The following COL16A1 variants were observed in gnomAD, a reference collection of about 807,000 sequenced individuals.
The protein encoded by COL16A1 is collagen alpha-1(XVI) chain.
A neutral mutation model predicts 266.3 loss-of-function variants in COL16A1; 189 were observed. The ratio of observed to expected loss-of-function variants is 0.71; its 90% CI spans 0.63 to 0.80. The LOEUF (loss-of-function observed/expected upper bound fraction) is 0.80. Ranked by LOEUF, COL16A1 falls within the 30% of genes least tolerant of loss-of-function variation. COL16A1 has a pLI of 0.00. For synonymous variants in COL16A1, 740 were observed against 782.3 expected (o/e 0.95, Z 0.90); for missense variants, 1,928 against 2,122.4 (o/e 0.91, Z 1.80).
chr1:31,689,651 G>C (rs1200409631), intron 23 of COL16A1, 90 bp downstream of exon 23: 5 of 1,014,206 alleles, frequency 4.9e-6, no homozygotes, highest in African/African-American at 1.6e-5. Flanking sequence ...GAAGTACCCA[G>C]CCCCTCTGCC....
At chr1:31,661,851 G>A (rs543756465) in intron 58 of COL16A1, 147 bp from the exon 59 acceptor site, 5 of 854,226 alleles carry the variant, frequency 5.9e-6, no homozygotes, top group South Asian at 3.7e-5. Context: ...CTGACTGGCT[G>A]TGGATCCTCA....
chr1:31,693,271 C>T lies in COL16A1; in HGVS notation c.1009-117G>A, dbSNP rs759123522. 19 of 702,402 alleles carry T rather than the reference C, an allele frequency of 2.7e-5. No homozygotes were observed. In the African/African-American group the frequency reaches 3.0e-4, roughly 11 times the overall value. 43.5% of individuals were successfully genotyped at this position (702,402 alleles called of 1,614,324 possible). A position where few individuals can be genotyped will look rare whatever the true frequency, so the allele number is the denominator to read the frequency against. On this transcript the variant is annotated intron_variant, in intron 12 of 70. Coordinates refer to ENST00000373672, the MANE Select transcript of COL16A1 (RefSeq NM_001856.4). ...CCCCCCACACACGGGTACGCAAATACGCACACATGTGAGCAGTGTCCTGCC... is the reference window on the plus strand; with the variant it reads ...CCCCCCACACACGGGTACGCAAATATGCACACATGTGAGCAGTGTCCTGCC...
chr1:31,682,529 C>T (rs193231218), intron 37 of COL16A1, among the ~76,000 whole-genome samples: 6 of 152,274 alleles, frequency 3.9e-5, no homozygotes, highest in Admixed American at 2.0e-4. Flanking sequence ...TGGGCAGCAC[C>T]GGTTCACATG....
Position 31,702,129 on chromosome 1 carries a change from G to A in COL16A1, c.65C>T (p.Ala22Val). 4 of 1,614,136 alleles carry A rather than the reference G, an allele frequency of 2.5e-6. No homozygotes were observed. The South Asian group carries it at 3.3e-5, about 13-fold the overall frequency. ...LGLWATFGHG[A>V]NTGAQCPPSQ... ...CTCCTGTGTCATCTCACCTGTATTT[G>A]CCCCATGGCCGAAGGTAGCCCAAAG... The change falls in exon 2 of 71, where the codon GCA becomes GTA. Residue 22 changes from alanine (A) to valine (V), a missense_variant. By Grantham distance (64) the Ala-to-Val change is moderately conservative (BLOSUM62 0). This residue lies in a region of COL16A1 where 1,552 missense variants were observed against 1,637.2 expected (regional missense o/e 0.95). Transcript: ENST00000373672.
rs1472798880 is a variant in COL16A1, at chr1:31,701,363, C to T, written c.73+758G>A. On this transcript the variant is annotated intron_variant, in intron 2 of 70. Transcript: ENST00000373672. Reference sequence around the variant, plus strand: ...AAGCAGAAACACATATGTGCACATACAAGGGGCAGGCGGCCACACTCACCC... The same window carrying T: ...AAGCAGAAACACATATGTGCACATATAAGGGGCAGGCGGCCACACTCACCC... 5.1e-6 allele frequency: 5 copies of T among 985,248 alleles called. No individual in the cohort carries two copies. In the African/African-American group the frequency reaches 8.7e-5, roughly 17 times the overall value. 61.0% of individuals were successfully genotyped at this position (985,248 alleles called of 1,614,324 possible). A position where few individuals can be genotyped will look rare whatever the true frequency, so the allele number is the denominator to read the frequency against.
chr1:31,662,323 C>T lies in COL16A1; in HGVS notation c.3681+11G>A, dbSNP rs775621646. On this transcript the variant is annotated intron_variant, in intron 58 of 70. Coordinates refer to ENST00000373672, the MANE Select transcript of COL16A1 (RefSeq NM_001856.4). ...GGAAGGGGTGCCCGCCCTCCCAGCCCATCATCTCACCCTCAAGCCAGGCTT... is the reference window on the plus strand; with the variant it reads ...GGAAGGGGTGCCCGCCCTCCCAGCCTATCATCTCACCCTCAAGCCAGGCTT... The T allele has an allele frequency of 1.9e-6, 3 of 1,609,388 alleles. No individual in the cohort carries two copies. The highest frequency in any genetic ancestry group is 3.4e-5 in the Admixed American group (2 of 59,646).
chr1:31,665,487 C>T (rs1037686729), intron 55 of COL16A1, 96 bp downstream of exon 55: 2 of 1,607,176 alleles, frequency 1.2e-6, no homozygotes, highest in African/African-American at 2.7e-5. Context: ...CCCCTCTTCT[C>T]CCCAGGACCA....
intron 16 of COL16A1, among the ~76,000 whole-genome samples, 158 bp from the exon 17 acceptor site, chr1:31,692,225 C>A (rs1644303301): frequency 6.6e-6 from 1 of 151,920 alleles, no homozygotes; most frequent in African/African-American, 2.4e-5. Flanking sequence ...GACAACAGAC[C>A]AGACAACAGG....
chr1:31,683,797 T>C (rs755254151), intron 33 of COL16A1, 49 bp from the exon 34 acceptor site: 3 of 1,613,346 alleles, frequency 1.9e-6, no homozygotes, highest in East Asian at 2.2e-5. Flanking sequence ...CCAGTCACCC[T>C]TTCCCCTTCT....
At position 31,684,157 on chromosome 1, in the gene COL16A1, G is replaced by A. The variant is rs1643862183; in HGVS notation, c.2235C>T (p.Gly745=). ...CTTCGGGGCCCTGCTCTCCTTTGGG[G>A]CCGGGCTGCCCAGGCCGTCCTGCCA... ...TDMAGRPGQP[G]PKGEQGPEGV... The change falls in exon 32 of 71, where the codon GGC becomes GGT. Residue 745 remains glycine (G), a synonymous_variant. Transcript: ENST00000373672. 2.6e-6 allele frequency: 4 copies of A among 1,549,208 alleles called. No homozygotes were observed. Among genetic ancestry groups the A allele is most frequent in the Non-Finnish European group, 3.5e-6 (4 of 1,145,858 alleles).
rs760801912 is a variant in COL16A1, at chr1:31,691,553, C to T, written c.1303-41G>A. 11 of 1,614,006 alleles carry T rather than the reference C, an allele frequency of 6.8e-6. No homozygotes were observed. In the South Asian group the frequency reaches 1.2e-4, roughly 18 times the overall value. ...GGTGGGCATCAGAGAGCTGCCACCC[C>T]AGCCCTGCCACCCCATCTCCACCCC... is the stretch of plus-strand genomic sequence containing the variant. On this transcript the variant is annotated intron_variant, in intron 18 of 70. Transcript: ENST00000373672.
chr1:31,671,204 C>T (rs558959572), intron 48 of COL16A1, among the ~76,000 whole-genome samples: 3 of 152,354 alleles, frequency 2.0e-5, no homozygotes, highest in South Asian at 2.1e-4. Flanking sequence ...ATCTTAGCCC[C>T]GAGCCCTTGT....
Position 31,675,293 on chromosome 1 carries a change from C to T in COL16A1, c.2791G>A (p.Gly931Ser), listed in dbSNP as rs746549833. The T allele has an allele frequency of 1.6e-5, 26 of 1,613,988 alleles. No individual in the cohort carries two copies. The highest frequency in any genetic ancestry group is 5.0e-5 in the Admixed American group (3 of 59,988). ...GTGAGCCCAGGCTGTCCTGGCAAACCGTTGTTTCCAGGCACTCCCTGTAGC... is the reference window on the plus strand; with the variant it reads ...GTGAGCCCAGGCTGTCCTGGCAAACTGTTGTTTCCAGGCACTCCCTGTAGC... ...PGLQGVPGNN[G>S]LPGQPGLTAE... Residue 931 changes from glycine to serine, a missense_variant, in exon 43 of 71, where the codon GGT (glycine) becomes AGT (serine). Physicochemically the swap from Gly to Ser is moderately conservative, Grantham distance 56. Around this residue, in one of 2 missense-constraint regions of COL16A1, gnomAD observed 1,552 missense variants for 1,637.2 expected, o/e 0.95. Coordinates refer to ENST00000373672, the MANE Select transcript of COL16A1 (RefSeq NM_001856.4).
In COL16A1 at chr1:31,676,579, G is replaced by GA. The variant is rs559973593; in HGVS notation, c.2773-1269dup. Among the ~76,000 whole-genome samples, 3 of 152,154 alleles carry GA rather than the reference G, an allele frequency of 2.0e-5. No homozygotes were observed. In the South Asian group the frequency reaches 6.2e-4, roughly 32 times the overall value. Reference sequence around the variant, plus strand: ...ATAACTTTTGGCAATTTATTTGGGGGAAAAAAATTCTATGCCTCAGTTGCC... The same window carrying GA: ...ATAACTTTTGGCAATTTATTTGGGGGAAAAAAAATTCTATGCCTCAGTTGCC... On this transcript the variant is annotated intron_variant, in intron 42 of 70. Transcript: ENST00000373672.
rs765679339 is a variant in COL16A1 at position 31,679,808 on chromosome 1, G to A, written c.2714C>T (p.Pro905Leu). ...LWMGSSWQPG[P>L]QGPPGIPGPP... is the part of the protein sequence containing the mutation. Reference sequence around the variant, plus strand: ...AAGAGGAGACAAGCGACACACCTGCGGGCCCGGCTGCCAGGAGCTGCCCAT... The same window carrying A: ...AAGAGGAGACAAGCGACACACCTGCAGGCCCGGCTGCCAGGAGCTGCCCAT... The change falls in exon 41 of 71, where the codon CCG becomes CTG. Residue 905 changes from proline (P) to leucine (L), a missense_variant. By Grantham distance (98) the Pro-to-Leu change is moderately conservative (BLOSUM62 -3). This residue lies in a region of COL16A1 where 1,552 missense variants were observed against 1,637.2 expected (regional missense o/e 0.95). Coordinates refer to ENST00000373672, the MANE Select transcript of COL16A1 (RefSeq NM_001856.4). 9.6e-6 allele frequency: 15 copies of A among 1,557,602 alleles called. No homozygotes were observed. The highest frequency in any genetic ancestry group is 3.7e-5 in the South Asian group (3 of 81,338).
Position 31,654,870 on chromosome 1 carries a change from G to A in COL16A1, c.4291-12C>T, listed in dbSNP as rs779680035. 1 of 1,607,758 alleles carries A rather than the reference G, an allele frequency of 6.2e-7. No homozygotes were observed. Among genetic ancestry groups the A allele is most frequent in the East Asian group, 2.3e-5 (1 of 44,374 alleles). On this transcript the variant is annotated splice_polypyrimidine_tract_variant and intron_variant, in intron 67 of 70. Coordinates refer to ENST00000373672, the MANE Select transcript of COL16A1 (RefSeq NM_001856.4). ...TTCACCATGTCTCCCTGAAGAAAGAGAAGAAAACCTGCCTCAATTATACTT... is the reference window on the plus strand; with the variant it reads ...TTCACCATGTCTCCCTGAAGAAAGAAAAGAAAACCTGCCTCAATTATACTT...
chr1:31,696,057 G>A, intron 9 of COL16A1, 31 bp downstream of exon 9: 1 of 1,589,654 alleles, frequency 6.3e-7, no homozygotes, highest in Non-Finnish European at 8.6e-7. Context: ...ACTGAGGGCA[G>A]GTAGGCTCCT....
chr1:31,692,886 C>T (rs375404447), intron 13 of COL16A1, 78 bp from the exon 14 acceptor site: 45 of 1,398,958 alleles, frequency 3.2e-5, no homozygotes, highest in South Asian at 5.9e-5. Context: ...AGGATCGGCC[C>T]GGGAACCCCA....
At chr1:31,669,636 A>G (rs1237133094) in intron 49 of COL16A1, among the ~76,000 whole-genome samples, 1 of 151,950 alleles carries the variant, frequency 6.6e-6, no homozygotes, top group Non-Finnish European at 1.5e-5. Context: ...GCCACAGATG[A>G]GGACGTGGGG....
Sources: allele counts gnomAD v4.1 joint callset (sites outside exome capture counted in the v4.1 genomes callset), GRCh38; gene constraint gnomAD v4.1.1; regional missense constraint gnomAD v4.1.1; transcripts MANE v1.5; gene names NCBI Gene and HGNC (gene_info 2026-07-23, HGNC 2026-07-21).